The following TTN variants were observed in gnomAD, a reference collection of about 807,000 sequenced individuals.
The protein encoded by TTN is titin, also known as connectin.
TTN carries 1,525 observed loss-of-function variants against 3,223.0 expected under a neutral mutation model. The observed-to-expected ratio is 0.47, with a 90% confidence interval of 0.45 to 0.49. TTN has a LOEUF of 0.49. TTN is among the 20% of genes least tolerant of loss of function. The pLI, the probability that TTN is intolerant of heterozygous loss-of-function variation, is 0.00. For synonymous variants in TTN, 14,094 were observed against 15,161.0 expected (o/e 0.93, Z 5.17); for missense variants, 40,786 against 43,424.0 (o/e 0.94, Z 5.40).
Position 178,536,300 on chromosome 2 carries a change from C to G in TTN, c.100447G>C (p.Glu33483Gln), listed in dbSNP as rs368321767. Residue 33483 changes from glutamate to glutamine, a missense_variant, in exon 357 of 363, where the codon GAA becomes CAA. Physicochemically the swap from Glu to Gln is conservative, Grantham distance 29 (BLOSUM62 2). Transcript: ENST00000589042. ...ACATCAGATTTGGGAGTGATGGGTT[C>G]TGATATTTCACTCCATTCACTTTCC... ...GGESEWSEIS[E>Q]PITPKSDVPI... is the part of the protein sequence containing the mutation. The G allele has an allele frequency of 3.0e-4, 490 of 1,613,558 alleles. No homozygotes were observed. The highest frequency in any genetic ancestry group is 3.9e-4 in the Non-Finnish European group (459 of 1,179,756).
Position 178,552,360 on chromosome 2 carries a change from G to T in TTN, c.90540C>A (p.Phe30180Leu). 1 of 1,596,262 alleles carries T rather than the reference G, an allele frequency of 6.3e-7. No individual in the cohort carries two copies. The highest frequency in any genetic ancestry group is 1.3e-5 in the African/African-American group (1 of 74,460). ...AAGTAATTTTGTTTTCAGTTTTACT[G>T]AAGCGAACAAATTCACTTTCTTTCA... ...LPLKESEFVR[F>L]SKTENKITLS... Residue 30180 changes from phenylalanine (F) to leucine (L), a missense_variant, in exon 335 of 363, where the codon TTC becomes TTA. Physicochemically the swap from Phe to Leu is conservative, Grantham distance 22. Coordinates refer to ENST00000589042, the MANE Select transcript of TTN (RefSeq NM_001267550.2).
intron 326 of TTN, 120 bp downstream of exon 326, chr2:178,559,191 G>C: frequency 1.2e-6 from 1 of 835,180 alleles, no homozygotes; most frequent in Admixed American, 2.9e-5. Flanking sequence ...GAATAGTTTG[G>C]GGTGTGAAGG....
Position 178,567,603 on chromosome 2 carries a change from C to T in TTN, c.78529G>A (p.Asp26177Asn). The change falls in exon 326 of 363, where the codon GAC (aspartate) becomes AAC (asparagine). Residue 26177 changes from aspartate to asparagine, a missense_variant. Asp to Asn is a conservative substitution (Grantham distance 23). Coordinates refer to ENST00000589042, the MANE Select transcript of TTN (RefSeq NM_001267550.2). ...TTGGCAGTTATTGGTCCAGTACTGT[C>T]AGAGGGTTTACTTATTGCACCAGCT... ...NAAGAISKPSDSTGPITAKDE... is the reference protein window; with the variant it reads ...NAAGAISKPSNSTGPITAKDE... 6.2e-7 allele frequency: 1 copy of T among 1,611,730 alleles called. No homozygotes were observed. The highest frequency in any genetic ancestry group is 1.1e-5 in the South Asian group (1 of 90,872).
Position 178,795,345 on chromosome 2 carries a change from C to T in TTN, c.915-93G>A, listed in dbSNP as rs570814592. 2,611 of 1,232,738 alleles carry T rather than the reference C, an allele frequency of 2.1e-3. 4 individuals are homozygous for T. The highest frequency in any genetic ancestry group is 2.9e-3 in the Non-Finnish European group (2,440 of 845,492). 76.4% of individuals were successfully genotyped at this position (1,232,738 alleles called of 1,614,324 possible). A position where few individuals can be genotyped will look rare whatever the true frequency, so the allele number is the denominator to read the frequency against. ...ATGAAAAGCTGGAAGTGCTTTAAGGCAGAGTTTTAAAATGTGTGCCTCCAT... is the reference window on the plus strand; with the variant it reads ...ATGAAAAGCTGGAAGTGCTTTAAGGTAGAGTTTTAAAATGTGTGCCTCCAT... On this transcript the variant is annotated intron_variant, in intron 6 of 362. Transcript: ENST00000589042.
rs1431591984 is a variant in TTN, at chr2:178,604,359, T to C, written c.54382-54A>G. The C allele has an allele frequency of 6.0e-6, 8 of 1,335,202 alleles. No individual in the cohort carries two copies. The East Asian group carries it at 1.6e-4, about 26-fold the overall frequency. The allele number at this position is 1,335,202 out of a possible 1,614,324, so 82.7% of individuals were successfully genotyped here. A position where few individuals can be genotyped will look rare whatever the true frequency, so the allele number is the denominator to read the frequency against. Reference sequence around the variant, plus strand: ...GAAGAGAATATACTTATGTTGGTTTTCACTCATTTAAAAATTCAACTTATT... The same window carrying C: ...GAAGAGAATATACTTATGTTGGTTTCCACTCATTTAAAAATTCAACTTATT... On this transcript the variant is annotated intron_variant, in intron 281 of 362. Transcript: ENST00000589042.
chr2:178,794,928 A>G lies in TTN; in HGVS notation c.1239T>C (p.Ala413=), dbSNP rs2154356147. ...AAAACCATTCTGACAGTACCTCTTT[A>G]GCACCAGTGGCAACAGCCTCTGCTG... is the stretch of plus-strand genomic sequence containing the variant. ...SYAAEAVATG[A]KEVKQDADKS... Residue 413 remains alanine, a synonymous_variant, in exon 7 of 363, where the codon GCT becomes GCC. Coordinates refer to ENST00000589042, the MANE Select transcript of TTN (RefSeq NM_001267550.2). The G allele has an allele frequency of 6.2e-7, 1 of 1,601,820 alleles. No homozygotes were observed. The highest frequency in any genetic ancestry group is 8.5e-7 in the Non-Finnish European group (1 of 1,179,946).
In TTN at chr2:178,555,134, A is replaced by C. The variant is rs1372629847; in HGVS notation, c.88325T>G (p.Leu29442Trp). The change falls in exon 331 of 363, where the codon TTG becomes TGG. Residue 29442 changes from leucine to tryptophan, a missense_variant. By Grantham distance (61) the Leu-to-Trp change is moderately conservative (BLOSUM62 -2). Coordinates refer to ENST00000589042, the MANE Select transcript of TTN (RefSeq NM_001267550.2). ...GACAACTTCTGTATATTCTAGAGGC[A>C]AATCAATTACAGGACCACCTGCAAG... is the stretch of plus-strand genomic sequence containing the variant. The part of the protein sequence containing the change: ...IDSYGGPVID[L>W]PLEYTEVVKY... The C allele has an allele frequency of 3.1e-6, 5 of 1,610,050 alleles. No individual in the cohort carries two copies. The highest frequency in any genetic ancestry group is 4.2e-6 in the Non-Finnish European group (5 of 1,179,102).
chr2:178,540,191 C>G lies in TTN; in HGVS notation c.97975G>C (p.Glu32659Gln). Residue 32659 changes from glutamate to glutamine, a missense_variant, in exon 351 of 363, where the codon GAG (glutamate) becomes CAG (glutamine). Transcript: ENST00000589042. ...KCNTTPTKIR[E>Q]YTLTHLPQGA... ...TGAGGTAGGTGTGTTAGAGTATACT[C>G]TCGAATCTTGGTTGGAGTGGTGTTA... 6.2e-7 allele frequency: 1 copy of G among 1,613,852 alleles called. No individual in the cohort carries two copies. The highest frequency in any genetic ancestry group is 8.5e-7 in the Non-Finnish European group (1 of 1,179,786).
rs374713945 is a variant in TTN, at chr2:178,602,429, G to C, written c.54973C>G (p.Pro18325Ala). Residue 18325 changes from proline to alanine, a missense_variant, in exon 283 of 363, where the codon CCA becomes GCA. Transcript: ENST00000589042. The part of the protein sequence containing the change: ...GTTDWKRVNE[P>A]DKLITTCECV... ...TCACAGGTAGTTATAAGTTTGTCTGGTTCATTTACTCTTTTCCAGTCAGTA... is the reference window on the plus strand; with the variant it reads ...TCACAGGTAGTTATAAGTTTGTCTGCTTCATTTACTCTTTTCCAGTCAGTA... 2 of 1,612,572 alleles carry C rather than the reference G, an allele frequency of 1.2e-6. No individual in the cohort carries two copies. Among genetic ancestry groups the C allele is most frequent in the South Asian group, 1.1e-5 (1 of 91,038 alleles).
intron 17 of TTN, among the ~76,000 whole-genome samples, 167 bp downstream of exon 17, chr2:178,783,553 T>TTGG (rs1324664068): frequency 2.0e-5 from 3 of 152,176 alleles, no homozygotes; most frequent in African/African-American, 4.8e-5. Context: ...CCTTGCCAAA[T>TTGG]ATGGTCAAAT....
intron 47 of TTN, chr2:178,747,286 T>C: frequency 1.2e-6 from 2 of 1,613,298 alleles, no homozygotes; most frequent in Non-Finnish European, 1.7e-6. Flanking sequence ...GTGTTGAATA[T>C]CTTTCAGCAA....
At chr2:178,767,617 G>C (rs530380188) in intron 40 of TTN, 142 bp downstream of exon 40, 3 of 1,184,254 alleles carry the variant, frequency 2.5e-6, no homozygotes, top group African/African-American at 3.0e-5. Flanking sequence ...CAGCATAAGA[G>C]AGTCTAAGCC....
At position 178,570,760 on chromosome 2, in the gene TTN, A is replaced by G. The variant is rs1575738349; in HGVS notation, c.75372T>C (p.His25124=). 1.2e-6 allele frequency: 2 copies of G among 1,613,556 alleles called. No homozygotes were observed. The highest frequency in any genetic ancestry group is 8.5e-7 in the Non-Finnish European group (1 of 1,179,620). ...DPKYKDTIVV[H]AGESFKVDAD... Reference sequence around the variant, plus strand: ...CATCAACCTTGAATGATTCACCAGCATGAACCACGATTGTGTCTTTGTATT... The same window carrying G: ...CATCAACCTTGAATGATTCACCAGCGTGAACCACGATTGTGTCTTTGTATT... The change falls in exon 326 of 363, where the codon CAT becomes CAC. Residue 25124 remains histidine (H), a synonymous_variant. Coordinates refer to ENST00000589042, the MANE Select transcript of TTN (RefSeq NM_001267550.2).
Position 178,672,044 on chromosome 2 carries a change from T to C in TTN, c.35154A>G (p.Lys11718=), listed in dbSNP as rs2067087052. The C allele has an allele frequency of 1.2e-6, 2 of 1,611,030 alleles. No individual in the cohort carries two copies. Among genetic ancestry groups the C allele is most frequent in the Non-Finnish European group, 1.7e-6 (2 of 1,178,912 alleles). Residue 11718 remains lysine (K), a synonymous_variant, in exon 155 of 363, where the codon AAA becomes AAG. Transcript: ENST00000589042. ...CAAAAACTTCTATTACCCTATGAAC[T>C]TTTTCAACTCTGTGTTCTTCTTCAA... ...HRVEEEHRVE[K]VHRVIEVFEA... is the part of the protein sequence containing the mutation.
chr2:178,543,114 C>T lies in TTN; in HGVS notation c.96859G>A (p.Glu32287Lys). Reference sequence around the variant, plus strand: ...ACGGCTGTGACAGTCTCTCTTGGTTCTGACACACCTTTCTCATTTTGTGCC... The same window carrying T: ...ACGGCTGTGACAGTCTCTCTTGGTTTTGACACACCTTTCTCATTTTGTGCC... ...IRAQNEKGVS[E>K]PRETVTAVTV... Residue 32287 changes from glutamate to lysine, a missense_variant, in exon 347 of 363, where the codon GAA (glutamate) becomes AAA (lysine). Physicochemically the swap from Glu to Lys is moderately conservative, Grantham distance 56 (BLOSUM62 1). Transcript: ENST00000589042. 1 of 1,606,320 alleles carries T rather than the reference C, an allele frequency of 6.2e-7. No individual in the cohort carries two copies. The highest frequency in any genetic ancestry group is 8.5e-7 in the Non-Finnish European group (1 of 1,176,286).
At position 178,544,405 on chromosome 2, in the gene TTN, C is replaced by T. The variant is rs757627281; in HGVS notation, c.95824G>A (p.Val31942Ile). 25 of 1,613,582 alleles carry T rather than the reference C, an allele frequency of 1.5e-5. No homozygotes were observed. The South Asian group carries it at 2.1e-4, about 13-fold the overall frequency. ...TCTTGCATTTCCAGAACATATCCTACAATGTCAGTACCACCATCGTACATG... is the reference window on the plus strand; with the variant it reads ...TCTTGCATTTCCAGAACATATCCTATAATGTCAGTACCACCATCGTACATG... The part of the protein sequence containing the change: ...KPMYDGGTDI[V>I]GYVLEMQEKD... The change falls in exon 345 of 363, where the codon GTA becomes ATA. Residue 31942 changes from valine to isoleucine, a missense_variant. Transcript: ENST00000589042.
At chr2:178,694,458 C>T (rs1209101117) in intron 117 of TTN, 141 bp downstream of exon 117, 2 of 549,228 alleles carry the variant, frequency 3.6e-6, no homozygotes, top group Non-Finnish European at 6.4e-6. Flanking sequence ...ATGTGCAACT[C>T]AACATAAAAT....
intron 120 of TTN, 83 bp downstream of exon 120, chr2:178,692,414 G>A: frequency 1.7e-6 from 2 of 1,207,632 alleles, no homozygotes; most frequent in Admixed American, 2.0e-5. Flanking sequence ...GTTTACAGAT[G>A]CTATTTTGTT....
Position 178,526,818 on chromosome 2 carries a change from A to C in TTN, c.*194T>G, listed in dbSNP as rs1272449965. On this transcript the variant is annotated 3_prime_UTR_variant, in exon 363 of 363. Transcript: ENST00000589042. Reference sequence around the variant, plus strand: ...CGGCTATATACAGTATGTACATGTCACTAGCAAATGTATTATATTCTTAGG... The same window carrying C: ...CGGCTATATACAGTATGTACATGTCCCTAGCAAATGTATTATATTCTTAGG... 1.5e-5 allele frequency: 8 copies of C among 535,876 alleles called. No homozygotes were observed. The highest frequency in any genetic ancestry group is 3.4e-5 in the Admixed American group (1 of 29,516). The allele number at this position is 535,876 out of a possible 1,614,324, so 33.2% of individuals were successfully genotyped here. A position where few individuals can be genotyped will look rare whatever the true frequency, so the allele number is the denominator to read the frequency against.
Sources: gnomAD v4.1 joint callset for allele counts (sites outside exome capture counted in the v4.1 genomes callset) on GRCh38, gnomAD v4.1.1 for gene constraint, MANE v1.5 for transcripts, NCBI Gene and HGNC (gene_info 2026-07-23, HGNC 2026-07-21) for gene names.